Variants in APEH observed in about 807,000 individuals in gnomAD.
APEH encodes acylamino-acid-releasing enzyme.
Under a neutral mutation model 102.7 loss-of-function variants are expected in APEH, and 75 were observed. The ratio of observed to expected loss-of-function variants is 0.73; its 90% CI spans 0.61 to 0.89. The LOEUF (loss-of-function observed/expected upper bound fraction) is 0.89. APEH is among the 40% of genes least tolerant of loss of function. The pLI is 0.00. For synonymous variants in APEH, 344 were observed against 362.7 expected, an observed-to-expected ratio of 0.95 and a Z score of 0.59; for missense variants, 863 against 941.2, an observed-to-expected ratio of 0.92 and a Z score of 1.09.
In APEH at chr3:49,681,185, C is replaced by T. The variant is rs201376582; in HGVS notation, c.1384C>T (p.His462Tyr). The T allele has an allele frequency of 8.1e-6, 13 of 1,610,084 alleles. No individual in the cohort carries two copies. In the East Asian group the frequency reaches 2.5e-4, roughly 31 times the overall value. ...LEEAEPIPDI[H>Y]WGIRVLQPPP... ...GGAGGCCGAGCCCATTCCCGACATCCACTGGGGCATCCGGGTGCTACAGCC... is the reference window on the plus strand; with the variant it reads ...GGAGGCCGAGCCCATTCCCGACATCTACTGGGGCATCCGGGTGCTACAGCC... The change falls in exon 15 of 22, where the codon CAC becomes TAC. Residue 462 changes from histidine to tyrosine, a missense_variant. Physicochemically the swap from His to Tyr is moderately conservative, Grantham distance 83. Transcript: ENST00000296456.
In APEH at chr3:49,677,575, T is replaced by C. The variant is rs1410720100; in HGVS notation, c.1002T>C (p.Tyr334=). 2 of 1,613,462 alleles carry C rather than the reference T, an allele frequency of 1.2e-6. No individual in the cohort carries two copies. The highest frequency in any genetic ancestry group is 4.5e-5 in the East Asian group (2 of 44,894). ...CTGACCATTGTGTTCTCTTGCAGTA[T>C]GACTGGTATACCAAGGTTACCTCAG... ...PHHQCSQLCL[Y]DWYTKVTSVV... Residue 334 remains tyrosine (Y), a splice_region_variant and synonymous_variant, in exon 11 of 22, where the codon TAT becomes TAC. Transcript: ENST00000296456.
Position 49,681,156 on chromosome 3 carries a change from TGGA to T in APEH, c.1361_1363del (p.Glu454del). On this transcript the variant is annotated inframe_deletion, in exon 15 of 22. Coordinates refer to ENST00000296456, the MANE Select transcript of APEH (RefSeq NM_001640.4). Reference sequence around the variant, plus strand: ...GAGCAGTCAGTGTTGTGGGTGTCCCTGGAGGAGGCCGAGCCCATTCCCGACATC... The same window carrying T: ...GAGCAGTCAGTGTTGTGGGTGTCCCTGGAGGCCGAGCCCATTCCCGACATC... The T allele has an allele frequency of 6.2e-7, 1 of 1,610,760 alleles. No homozygotes were observed. The highest frequency in any genetic ancestry group is 8.5e-7 in the Non-Finnish European group (1 of 1,178,302).
Position 49,674,613 on chromosome 3 carries a change from T to C in APEH, c.137T>C (p.Val46Ala), listed in dbSNP as rs1269751079. The C allele has an allele frequency of 1.9e-6, 3 of 1,584,426 alleles. No homozygotes were observed. The highest frequency in any genetic ancestry group is 3.5e-5 in the Admixed American group (2 of 57,202). ...TTQYGGQYRTVHTEWTQRDLE... is the reference protein window; with the variant it reads ...TTQYGGQYRTAHTEWTQRDLE... ...CAGTACGGCGGCCAATACCGGACGG[T>C]GCACACTGGTGTGTGTGCGAAGGGG... The change falls in exon 2 of 22, where the codon GTG (valine) becomes GCG (alanine). Residue 46 changes from valine to alanine, a missense_variant. By Grantham distance (64) the Val-to-Ala change is moderately conservative. Coordinates refer to ENST00000296456, the MANE Select transcript of APEH (RefSeq NM_001640.4).
Position 49,680,594 on chromosome 3 carries a change from GCA to G in APEH, c.1267_1268del (p.Gln423ValfsTer60), listed in dbSNP as rs771266204. 3 of 1,614,090 alleles carry G rather than the reference GCA, an allele frequency of 1.9e-6. No homozygotes were observed. Among genetic ancestry groups the G allele is most frequent in the African/African-American group, 1.3e-5 (1 of 75,056 alleles). On this transcript the variant is annotated frameshift_variant, in exon 14 of 22. Coordinates refer to ENST00000296456, the MANE Select transcript of APEH (RefSeq NM_001640.4). LOFTEE classifies it high-confidence loss of function. ...CACAATTGACCAGGACCTCATGGTG[GCA>G]CAGTTTTCCACACCCAGCCTACCTC... is the stretch of plus-strand genomic sequence containing the variant. ...LLTIDQDLMV[A>X]QFSTPSLPPT... is the part of the protein sequence containing the mutation.
Position 49,682,537 on chromosome 3 carries a change from A to G in APEH, c.1693-9A>G, listed in dbSNP as rs758085674. 3 of 1,613,844 alleles carry G rather than the reference A, an allele frequency of 1.9e-6. No homozygotes were observed. Among genetic ancestry groups the G allele is most frequent in the African/African-American group, 2.7e-5 (2 of 74,906 alleles). ...AGCTGGCTGCAGCATGCTTTGTCCCACCCTGCAGTTTGCAGTGGAACAGGT... is the reference window on the plus strand; with the variant it reads ...AGCTGGCTGCAGCATGCTTTGTCCCGCCCTGCAGTTTGCAGTGGAACAGGT... On this transcript the variant is annotated splice_polypyrimidine_tract_variant and intron_variant, in intron 18 of 21. Coordinates refer to ENST00000296456, the MANE Select transcript of APEH (RefSeq NM_001640.4).
intron 15 of APEH, 81 bp from the exon 16 acceptor site, chr3:49,681,641 C>T: frequency 7.7e-7 from 1 of 1,304,534 alleles, no homozygotes; most frequent in South Asian, 1.5e-5. Context: ...AGAGGTCAGC[C>T]CCACACCTGC....
rs2053036709 is a variant in APEH at position 49,676,126 on chromosome 3, C to T, written c.513C>T (p.Pro171=). 1 of 1,614,222 alleles carries T rather than the reference C, an allele frequency of 6.2e-7. No homozygotes were observed. Among genetic ancestry groups the T allele is most frequent in the Non-Finnish European group, 8.5e-7 (1 of 1,180,038 alleles). ...HLLYVAEKKR[P]KAESFFQTKA... ...TGTATGTGGCAGAGAAGAAGCGCCC[C>T]AAGGCCGAGTCCTTCTTTCAGACCA... The change falls in exon 6 of 22, where the codon CCC becomes CCT. Residue 171 remains proline (P), a synonymous_variant. Coordinates refer to ENST00000296456, the MANE Select transcript of APEH (RefSeq NM_001640.4).
Position 49,675,879 on chromosome 3 carries a change from A to G in APEH, c.367-12A>G, listed in dbSNP as rs2053019833. On this transcript the variant is annotated splice_polypyrimidine_tract_variant and intron_variant, in intron 4 of 21. Coordinates refer to ENST00000296456, the MANE Select transcript of APEH (RefSeq NM_001640.4). ...TTAGCGGGCAAACAGCCTAATGCCC[A>G]GATGTCCTCAGGTCTGGGAGAAGAA... is the stretch of plus-strand genomic sequence containing the variant. 1 of 1,614,154 alleles carries G rather than the reference A, an allele frequency of 6.2e-7. No individual in the cohort carries two copies. Among genetic ancestry groups the G allele is most frequent in the African/African-American group, 1.3e-5 (1 of 75,048 alleles).
rs1215607964 is a variant in APEH at position 49,679,391 on chromosome 3, C to T, written c.1159-202C>T. ...ATTCCTTACCTTGCCCAGGGTCACC[C>T]AGCAAGTTGTGATGGTGCTGGGATT... On this transcript the variant is annotated intron_variant, in intron 12 of 21. Coordinates refer to ENST00000296456, the MANE Select transcript of APEH (RefSeq NM_001640.4). The surrounding 1 kb of genome is among the most constrained non-coding windows in gnomAD (Gnocchi z 4.3). Among the ~76,000 whole-genome samples, 1 of 152,204 alleles carries T rather than the reference C, an allele frequency of 6.6e-6. No individual in the cohort carries two copies. The highest frequency in any genetic ancestry group is 1.5e-5 in the Non-Finnish European group (1 of 68,034).
In APEH at chr3:49,681,748, C is replaced by CTGCA; in HGVS notation, c.1466_1469dup (p.Gln490HisfsTer9). 6.2e-7 allele frequency: 1 copy of CTGCA among 1,602,908 alleles called. No individual in the cohort carries two copies. Among genetic ancestry groups the CTGCA allele is most frequent in the Non-Finnish European group, 8.5e-7 (1 of 1,173,588 alleles). On this transcript the variant is annotated frameshift_variant, in exon 16 of 22. Coordinates refer to ENST00000296456, the MANE Select transcript of APEH (RefSeq NM_001640.4). LOFTEE classifies it high-confidence loss of function. ...TGGCCTTGACTTTGAAGCAATCCTG[C>CTGCA]TGCAGCCTGGCAGCCCTCCAGATAA...
rs763358226 is a variant in APEH at position 49,682,015 on chromosome 3, C to T, written c.1603+48C>T. On this transcript the variant is annotated intron_variant, in intron 17 of 21. Transcript: ENST00000296456. ...TTCTGTTAGGACTACAGTGGAGTGA[C>T]GGGGGTGGACCTGGTTTGTATAAGT... is the stretch of plus-strand genomic sequence containing the variant. 2.3e-5 allele frequency: 36 copies of T among 1,570,438 alleles called. 1 individual carries two copies. The highest frequency in any genetic ancestry group is 4.4e-5 in the South Asian group (4 of 90,068).
chr3:49,682,030 T>G (rs2053346150), intron 17 of APEH, 63 bp downstream of exon 17: 1 of 1,525,110 alleles, frequency 6.6e-7, no homozygotes, highest in Non-Finnish European at 9.1e-7. Context: ...GTGGACCTGG[T>G]TTGTATAAGT....
Position 49,676,504 on chromosome 3 carries a change from T to A in APEH, c.733T>A (p.Ser245Thr), listed in dbSNP as rs2053060242. Residue 245 changes from serine (S) to threonine (T), a missense_variant, in exon 7 of 22, where the codon TCC becomes ACC. Physicochemically the swap from Ser to Thr is moderately conservative, Grantham distance 58 (BLOSUM62 1). Coordinates refer to ENST00000296456, the MANE Select transcript of APEH (RefSeq NM_001640.4). The part of the protein sequence containing the change: ...SVLEGVPENV[S>T]PGQAFWAPGD... ...GCTTGAGGGGGTCCCTGAGAATGTG[T>A]CCCCTGGACAGGTCAGCAGCAACAG... 1 of 1,614,106 alleles carries A rather than the reference T, an allele frequency of 6.2e-7. No homozygotes were observed. The highest frequency in any genetic ancestry group is 8.5e-7 in the Non-Finnish European group (1 of 1,180,040).
chr3:49,677,313 GC>G (rs2053106120), intron 10 of APEH, among the ~76,000 whole-genome samples: 4 of 152,328 alleles, frequency 2.6e-5, no homozygotes, highest in Admixed American at 2.6e-4. Context: ...TCTGCAAGGG[GC>G]TGGGATATAG....
intron 17 of APEH, 116 bp from the exon 18 acceptor site, chr3:49,682,232 C>A: frequency 8.8e-7 from 1 of 1,137,734 alleles, no homozygotes; most frequent in South Asian, 1.4e-5. Flanking sequence ...CCCTTGACCC[C>A]TTGACAGTCT....
At chr3:49,682,090 T>G in intron 17 of APEH, 123 bp downstream of exon 17, 1 of 1,145,824 alleles carries the variant, frequency 8.7e-7, no homozygotes, top group South Asian at 1.4e-5. Flanking sequence ...CTAGACCTAG[T>G]AACCACTACC....
At chr3:49,678,252 CTCTTTGTCTTCTCTTTGGGTT>C (rs1170402022) in intron 11 of APEH, among the ~76,000 whole-genome samples, 2 of 152,106 alleles carry the variant, frequency 1.3e-5, no homozygotes, top group African/African-American at 4.8e-5. Flanking sequence ...AAGGGATAGC[CTCTTTGTCTTCTCTTTGGGTT>C]GCAGGGATGC....
chr3:49,674,131 C>T (rs2052897582), upstream of APEH: 1 of 533,706 alleles, frequency 1.9e-6, no homozygotes. Context: ...CAGGACTCAG[C>T]CCACGGCCCC....
At chr3:49,674,126 C>T (rs113530503), upstream of APEH, 2,460 of 526,632 alleles carry the variant, frequency 4.7e-3, 48 homozygotes, top group African/African-American at 0.039. Context: ...AGGCCCAGGA[C>T]TCAGCCCACG....
Sources: allele counts gnomAD v4.1 joint callset (sites outside exome capture counted in the v4.1 genomes callset), GRCh38; gene constraint gnomAD v4.1.1; non-coding constraint Gnocchi (gnomAD v3.1); transcripts MANE v1.5; gene names NCBI Gene and HGNC (gene_info 2026-07-23, HGNC 2026-07-21).